MAPK10: variants seen among roughly 807,000 people sequenced by gnomAD.
MAPK10 encodes JNK3 alpha protein kinase.
In MAPK10, 25 loss-of-function variants were observed where a neutral mutation model predicts 59.3. That is an observed-to-expected ratio of 0.42 (90% CI 0.31 to 0.59). The LOEUF (loss-of-function observed/expected upper bound fraction) is 0.59. Among genes scored for constraint, MAPK10 ranks in the 20% least tolerant of loss-of-function variants. The pLI, the probability that MAPK10 is intolerant of heterozygous loss-of-function variation, is 0.15. For missense variants in MAPK10, 351 were observed against 568.9 expected, an observed-to-expected ratio of 0.62 and a Z score of 3.90; for synonymous variants, 190 against 200.5, an observed-to-expected ratio of 0.95 and a Z score of 0.44.
intron 9 of MAPK10, among the ~76,000 whole-genome samples, chr4:86,074,933 G>A (rs1009015946): frequency 0.013 from 1,769 of 138,462 alleles, 56 homozygotes; most frequent in African/African-American, 0.048. Context: ...GAATCTGAAC[G>A]TTGGCCTGCC....
At chr4:86,137,435 C>G (rs2062488067) in intron 4 of MAPK10, among the ~76,000 whole-genome samples, 1 of 137,386 alleles carries the variant, frequency 7.3e-6, no homozygotes, top group South Asian at 2.5e-4. Flanking sequence ...TGAATGACTA[C>G]TGGGTACATA....
chr4:86,546,210 G>A (rs764994463), intron 1 of MAPK10, among the ~76,000 whole-genome samples: 22 of 151,126 alleles, frequency 1.5e-4, no homozygotes, highest in African/African-American at 1.9e-4. Context: ...ACAACAGAGC[G>A]AGACTCTTGT....
chr4:86,441,267 T>C (rs1033522770), intron 1 of MAPK10, among the ~76,000 whole-genome samples: 8 of 152,216 alleles, frequency 5.3e-5, no homozygotes, highest in South Asian at 2.1e-4. Context: ...CACTTAGTCA[T>C]AGAGAATTTT....
At chr4:86,580,767 A>T (rs1029306433) in intron 1 of MAPK10, among the ~76,000 whole-genome samples, 3 of 152,230 alleles carry the variant, frequency 2.0e-5, no homozygotes, top group African/African-American at 7.2e-5. Flanking sequence ...TCCATGCAAC[A>T]TGGATAACTC....
Position 86,017,491 on chromosome 4 carries a change from A to G in MAPK10, c.1253-121T>C. 9.1e-7 allele frequency: 1 copy of G among 1,094,836 alleles called. No individual in the cohort carries two copies. The highest frequency in any genetic ancestry group is 2.0e-5 in the Admixed American group (1 of 49,978). 67.8% of individuals were successfully genotyped at this position (1,094,836 alleles called of 1,614,324 possible). The stretch of plus-strand genomic sequence containing the variant: ...ATGTCCAGTCCATCAATCATTTGGC[A>G]AGCCTTTATAGAGCAGCTGACATAG... On this transcript the variant is annotated intron_variant, in intron 13 of 13. Coordinates refer to ENST00000641462, the MANE Select transcript of MAPK10 (RefSeq NM_138982.4). The surrounding 1 kb of genome is among the most constrained non-coding windows in gnomAD (Gnocchi z 4.4).
intron 2 of MAPK10, among the ~76,000 whole-genome samples, chr4:86,207,427 C>T (rs998394237): frequency 6.6e-6 from 1 of 152,046 alleles, no homozygotes; most frequent in African/African-American, 2.4e-5. Flanking sequence ...GGTACCAGTA[C>T]CATGCTGTTT....
intron 4 of MAPK10, among the ~76,000 whole-genome samples, chr4:86,137,839 A>G (rs1407448871): frequency 1.2e-4 from 18 of 150,246 alleles, no homozygotes; most frequent in African/African-American, 4.2e-4. Flanking sequence ...ACAATAAAAA[A>G]TGATAAAGGG....
chr4:86,228,236 G>C (rs997113342), intron 2 of MAPK10, among the ~76,000 whole-genome samples: 1 of 152,160 alleles, frequency 6.6e-6, no homozygotes. Flanking sequence ...AAATGGTTAG[G>C]AGCATGGGCT....
intron 2 of MAPK10, among the ~76,000 whole-genome samples, chr4:86,286,436 A>G (rs1023278223): frequency 6.6e-6 from 1 of 152,172 alleles, no homozygotes; most frequent in African/African-American, 2.4e-5. Flanking sequence ...TAATAATTAC[A>G]AATAACATGT....
At chr4:86,190,131 C>G (rs929469143) in intron 3 of MAPK10, among the ~76,000 whole-genome samples, 2 of 152,080 alleles carry the variant, frequency 1.3e-5, no homozygotes, top group Non-Finnish European at 2.9e-5. Flanking sequence ...TTTTGATGTG[C>G]TGCTGGATTT....
At chr4:86,104,580 A>T (rs974822066) in intron 5 of MAPK10, among the ~76,000 whole-genome samples, 9 of 152,084 alleles carry the variant, frequency 5.9e-5, no homozygotes, top group African/African-American at 9.6e-5. Context: ...TTCAAACAAA[A>T]ATATTAGAGA....
Position 86,426,960 on chromosome 4 carries a change from A to G in MAPK10, c.-122+26070T>C, listed in dbSNP as rs114966094. Among the ~76,000 whole-genome samples, 1,272 of 152,108 alleles carry G rather than the reference A, an allele frequency of 8.4e-3. 6 individuals carry two copies. The highest frequency in any genetic ancestry group is 0.032 in the South Asian group (154 of 4,804). On this transcript the variant is annotated intron_variant, in intron 1 of 13. Transcript: ENST00000361569. ...TCGACTCTATCACTTTTTTTGAAAA[A>G]AAAAATTAAAGCTATGGCCGGGCGC...
chr4:86,275,803 CATG>C (rs2094559092), intron 2 of MAPK10, among the ~76,000 whole-genome samples: 1 of 152,016 alleles, frequency 6.6e-6, no homozygotes, highest in Admixed American at 6.6e-5. Flanking sequence ...GGAAGCTTCC[CATG>C]ATAAGGCTAA....
intron 1 of MAPK10, among the ~76,000 whole-genome samples, chr4:86,413,510 C>T (rs1260160241): frequency 6.6e-6 from 1 of 152,184 alleles, no homozygotes; most frequent in Admixed American, 6.5e-5. Context: ...GCCCTGCCCC[C>T]AGAGGTGGAA....
At chr4:86,103,105 G>GTGTGTGTGTGTA in intron 6 of MAPK10, 81 bp downstream of exon 6, 1 of 793,960 alleles carries the variant, frequency 1.3e-6, no homozygotes, top group Non-Finnish European at 2.2e-6. Flanking sequence ...GTGTGTGTGT[G>GTGTGTGTGTGTA]TGTGTGTGTG....
At chr4:86,064,224 G>A in intron 11 of MAPK10, 42 bp downstream of exon 11, 1 of 1,611,784 alleles carries the variant, frequency 6.2e-7, no homozygotes, top group Non-Finnish European at 8.5e-7. Context: ...TATGAGCTAT[G>A]ATTTGTTTGT....
At chr4:86,398,751 C>T (rs922559775) in intron 1 of MAPK10, among the ~76,000 whole-genome samples, 2 of 152,068 alleles carry the variant, frequency 1.3e-5, no homozygotes, top group East Asian at 1.9e-4. Flanking sequence ...ACAACCCTTG[C>T]GTCCCTCTCT....
chr4:86,093,301 T>A (rs1318025323), intron 9 of MAPK10, among the ~76,000 whole-genome samples: 1 of 151,944 alleles, frequency 6.6e-6, no homozygotes, highest in Non-Finnish European at 1.5e-5. Flanking sequence ...TTAACACACC[T>A]AAGTATATTT....
At chr4:86,066,542 A>G (rs1418278915) in intron 10 of MAPK10, among the ~76,000 whole-genome samples, 1 of 152,002 alleles carries the variant, frequency 6.6e-6, no homozygotes, top group Non-Finnish European at 1.5e-5. Flanking sequence ...CGAGGCAGGC[A>G]GACCACGAAG....
Sources: gnomAD v4.1 joint callset for allele counts (sites outside exome capture counted in the v4.1 genomes callset) on GRCh38, gnomAD v4.1.1 for gene constraint, Gnocchi (gnomAD v3.1) non-coding constraint, MANE v1.5 for transcripts, NCBI Gene and HGNC (gene_info 2026-07-23, HGNC 2026-07-21) for gene names.